The following INPPL1 variants were observed in gnomAD, a reference collection of about 807,000 sequenced individuals.
INPPL1 encodes the protein phosphatidylinositol 3,4,5-trisphosphate 5-phosphatase 2.
INPPL1 carries 91 observed loss-of-function variants against 139.3 expected under a neutral mutation model. That is an observed-to-expected ratio of 0.65 (90% CI 0.55 to 0.78). The LOEUF is 0.78. Among genes scored for constraint, INPPL1 ranks in the 30% least tolerant of loss-of-function variants. The probability of loss-of-function intolerance (pLI) is 0.00; values close to 1 mark genes in which losing one functional copy is unlikely to be tolerated. For missense variants in INPPL1, 1,411 were observed against 1,665.6 expected (o/e 0.85, Z 2.66); for synonymous variants, 719 against 686.6 (o/e 1.05, Z -0.74).
rs750670978 is a variant in INPPL1 at position 72,228,383 on chromosome 11, C to G, written c.282C>G (p.Thr94=). Residue 94 remains threonine, a synonymous_variant, in exon 3 of 28, where the codon ACC becomes ACG. Transcript: ENST00000298229. The surrounding 1 kb of genome is among the most constrained non-coding windows in gnomAD (Gnocchi z 5.0). ...GTGTGCCTGTGCGCCGCTTCCAGAC[C>G]CTGGGTGAGCTCATCGGCCTGTACG... The part of the protein sequence containing the change: ...SQGVPVRRFQ[T]LGELIGLYAQ... 4 of 1,613,458 alleles carry G rather than the reference C, an allele frequency of 2.5e-6. No individual in the cohort carries two copies. In the Admixed American group the frequency reaches 6.7e-5, roughly 27 times the overall value.
At chr11:72,233,266 C>CA (rs1948888250) in intron 17 of INPPL1, 103 bp downstream of exon 17, 1 of 1,137,640 alleles carries the variant, frequency 8.8e-7, no homozygotes, top group African/African-American at 1.5e-5. Context: ...CTCCAGCCTC[C>CA]ATGGCCCCTC....
intron 26 of INPPL1, 88 bp from the exon 27 acceptor site, chr11:72,237,954 C>G: frequency 1.4e-6 from 2 of 1,466,420 alleles, no homozygotes; most frequent in Admixed American, 2.6e-5. Context: ...CCCTTCCCTT[C>G]CTTTTCCCCA....
In INPPL1 at chr11:72,229,072, C is replaced by T. The variant is rs1281925426; in HGVS notation, c.519-18C>T. On this transcript the variant is annotated intron_variant, in intron 4 of 27. Coordinates refer to ENST00000298229, the MANE Select transcript of INPPL1 (RefSeq NM_001567.4). Reference sequence around the variant, plus strand: ...AGGTCAGCAGGACCTCCACTGACTTCTTAACCCCTCCCCAAAGTGCTCCCA... The same window carrying T: ...AGGTCAGCAGGACCTCCACTGACTTTTTAACCCCTCCCCAAAGTGCTCCCA... 2.5e-6 allele frequency: 4 copies of T among 1,596,274 alleles called. No homozygotes were observed. The Admixed American group carries it at 6.8e-5, about 27-fold the overall frequency.
At chr11:72,230,636 A>T in intron 10 of INPPL1, 160 bp from the exon 11 acceptor site, 1 of 845,482 alleles carries the variant, frequency 1.2e-6, no homozygotes, top group Middle Eastern at 3.5e-4. Context: ...CTGAGGGTGG[A>T]TAACATTTGC....
chr11:72,235,838 C>T lies in INPPL1; in HGVS notation c.2739-8C>T. ...CCACTTCATCTCTCTCCTGTGCATCCCTGGCAGGTCAGGGAGCCGCAAGCC... is the reference window on the plus strand; with the variant it reads ...CCACTTCATCTCTCTCCTGTGCATCTCTGGCAGGTCAGGGAGCCGCAAGCC... On this transcript the variant is annotated splice_polypyrimidine_tract_variant and splice_region_variant and intron_variant, in intron 24 of 27. Transcript: ENST00000298229. This position sits in a 1 kb window ranked among gnomAD's most constrained non-coding sequence, Gnocchi z 4.9. 6.2e-7 allele frequency: 1 copy of T among 1,612,330 alleles called. No homozygotes were observed. Among genetic ancestry groups the T allele is most frequent in the Non-Finnish European group, 8.5e-7 (1 of 1,179,150 alleles).
intron 17 of INPPL1, 84 bp from the exon 18 acceptor site, chr11:72,233,357 G>C: frequency 8.3e-7 from 1 of 1,207,548 alleles, no homozygotes; most frequent in East Asian, 2.3e-5. Context: ...TAGAAGTGTG[G>C]GGACTCATCA....
Position 72,233,126 on chromosome 11 carries a change from G to A in INPPL1, c.2003G>A (p.Arg668Gln), listed in dbSNP as rs773191339. The A allele has an allele frequency of 7.4e-6, 12 of 1,613,892 alleles. No homozygotes were observed. Among genetic ancestry groups the A allele is most frequent in the Non-Finnish European group, 9.3e-6 (11 of 1,179,990 alleles). Residue 668 changes from arginine (R) to glutamine (Q), a missense_variant, in exon 17 of 28, where the codon CGG (arginine) becomes CAG (glutamine). Physicochemically the swap from Arg to Gln is conservative, Grantham distance 43 (BLOSUM62 1). Coordinates refer to ENST00000298229, the MANE Select transcript of INPPL1 (RefSeq NM_001567.4). ...PPTYRYERGS[R>Q]DTYAWHKQKP... ...ACCTACCGCTATGAGCGGGGTTCCC[G>A]GGACACATATGCCTGGCACAAGCAG... is the stretch of plus-strand genomic sequence containing the variant.
In INPPL1 at chr11:72,231,196, G is replaced by C; in HGVS notation, c.1497+7G>C. On this transcript the variant is annotated splice_region_variant and intron_variant, in intron 12 of 27. Transcript: ENST00000298229. ...GGATCTGGATTACCGCCCGGTGAGGGGGGGTCATCTTGTCCAGGACCCTGT... is the reference window on the plus strand; with the variant it reads ...GGATCTGGATTACCGCCCGGTGAGGCGGGGTCATCTTGTCCAGGACCCTGT... 2 of 1,607,428 alleles carry C rather than the reference G, an allele frequency of 1.2e-6. No homozygotes were observed. Among genetic ancestry groups the C allele is most frequent in the Non-Finnish European group, 1.7e-6 (2 of 1,178,150 alleles).
chr11:72,238,294 G>A lies in INPPL1; in HGVS notation c.3718G>A (p.Gly1240Arg), dbSNP rs1274186891. The A allele has an allele frequency of 6.2e-7, 1 of 1,607,914 alleles. No homozygotes were observed. Among genetic ancestry groups the A allele is most frequent in the Non-Finnish European group, 8.5e-7 (1 of 1,177,090 alleles). The stretch of plus-strand genomic sequence containing the variant: ...CACCGAGGAGGACTTGGAGGAGGCT[G>A]GGGTGCAGGACCCGGCTCACAAGCG... ...DITEEDLEEA[G>R]VQDPAHKRLL... Residue 1240 changes from glycine (G) to arginine (R), a missense_variant, in exon 28 of 28, where the codon GGG becomes AGG. Transcript: ENST00000298229.
In INPPL1 at chr11:72,237,556, A is replaced by G. The variant is rs1352845468; in HGVS notation, c.3312A>G (p.Ser1104=). Residue 1104 remains serine (S), a synonymous_variant, in exon 26 of 28, where the codon TCA becomes TCG. Transcript: ENST00000298229. Reference sequence around the variant, plus strand: ...GGCCTCCACTGCCCCCAGGCCCCTCACCAGCCAGCACTTTCCTGGGGGAAG... The same window carrying G: ...GGCCTCCACTGCCCCCAGGCCCCTCGCCAGCCAGCACTTTCCTGGGGGAAG... ...HPRPPLPPGP[S]PASTFLGEVA... is the part of the protein sequence containing the mutation. The G allele has an allele frequency of 1.3e-6, 2 of 1,597,784 alleles. No homozygotes were observed. Among genetic ancestry groups the G allele is most frequent in the African/African-American group, 2.7e-5 (2 of 74,708 alleles).
Position 72,230,038 on chromosome 11 carries a change from T to C in INPPL1, c.939+19T>C. On this transcript the variant is annotated intron_variant, in intron 8 of 27. Transcript: ENST00000298229. ...CTTTGAGGTACATGGCAGTGGGGCC[T>C]CACAGGGCCAAGGGTGGTTGGAGGT... 2 of 1,614,044 alleles carry C rather than the reference T, an allele frequency of 1.2e-6. No homozygotes were observed. The highest frequency in any genetic ancestry group is 1.7e-6 in the Non-Finnish European group (2 of 1,179,876).
In INPPL1 at chr11:72,234,093, T is replaced by G. The variant is rs1159496012; in HGVS notation, c.2213-188T>G. ...ATGGGTTTTTTATCCTTGGGTTGTC[T>G]CTTTGCTCTGGTCCAGGGTCTGGCC... On this transcript the variant is annotated intron_variant, in intron 19 of 27. Coordinates refer to ENST00000298229, the MANE Select transcript of INPPL1 (RefSeq NM_001567.4). This position sits in a 1 kb window ranked among gnomAD's most constrained non-coding sequence, Gnocchi z 4.2. Among the ~76,000 whole-genome samples the G allele has an allele frequency of 6.6e-6, 1 of 152,188 alleles. No individual in the cohort carries two copies. The highest frequency in any genetic ancestry group is 1.5e-5 in the Non-Finnish European group (1 of 68,024).
chr11:72,234,982 T>C lies in INPPL1; in HGVS notation c.2416-134T>C. On this transcript the variant is annotated intron_variant, in intron 21 of 27. Coordinates refer to ENST00000298229, the MANE Select transcript of INPPL1 (RefSeq NM_001567.4). This position sits in a 1 kb window ranked among gnomAD's most constrained non-coding sequence, Gnocchi z 4.2. ...TCTTCTGCATTAAGGATTTGGCTCT[T>C]CTCTGAAGAGTTGAGTGTGAGTGAG... 1.4e-6 allele frequency: 1 copy of C among 724,064 alleles called. No individual in the cohort carries two copies. Among genetic ancestry groups the C allele is most frequent in the Non-Finnish European group, 2.4e-6 (1 of 423,208 alleles). The allele number at this position is 724,064 out of a possible 1,614,324, so 44.9% of individuals were successfully genotyped here.
intron 12 of INPPL1, 110 bp from the exon 13 acceptor site, chr11:72,231,388 G>A (rs1948830284): frequency 1.0e-6 from 1 of 1,000,940 alleles, no homozygotes; most frequent in Admixed American, 1.8e-5. Flanking sequence ...AGGAAGAGGG[G>A]TGGCAAGCCT....
At position 72,235,261 on chromosome 11, in the gene INPPL1, T is replaced by G. The variant is rs1948953122; in HGVS notation, c.2504-35T>G. The G allele has an allele frequency of 4.3e-6, 7 of 1,613,548 alleles. No individual in the cohort carries two copies. The highest frequency in any genetic ancestry group is 5.9e-6 in the Non-Finnish European group (7 of 1,179,826). On this transcript the variant is annotated intron_variant, in intron 22 of 27. Transcript: ENST00000298229. This position sits in a 1 kb window ranked among gnomAD's most constrained non-coding sequence, Gnocchi z 4.9. ...AGCCAGACAGGGCCCTAGATTAGCTTGGTAATTTGCTGGTTTGTCCCATCT... is the reference window on the plus strand; with the variant it reads ...AGCCAGACAGGGCCCTAGATTAGCTGGGTAATTTGCTGGTTTGTCCCATCT...
chr11:72,234,516 C>G lies in INPPL1; in HGVS notation c.2327-11C>G. ...TGGTGCTCAGTTGGGTGTCTCCCACCCCCACCCCAGAATACAAGAAGAGCT... is the reference window on the plus strand; with the variant it reads ...TGGTGCTCAGTTGGGTGTCTCCCACGCCCACCCCAGAATACAAGAAGAGCT... On this transcript the variant is annotated splice_polypyrimidine_tract_variant and intron_variant, in intron 20 of 27. Transcript: ENST00000298229. This position sits in a 1 kb window ranked among gnomAD's most constrained non-coding sequence, Gnocchi z 4.2. 1 of 1,597,704 alleles carries G rather than the reference C, an allele frequency of 6.3e-7. No homozygotes were observed. Among genetic ancestry groups the G allele is most frequent in the Non-Finnish European group, 8.6e-7 (1 of 1,165,252 alleles).
Position 72,228,979 on chromosome 11 carries a change from C to A in INPPL1, c.519-111C>A. On this transcript the variant is annotated intron_variant, in intron 4 of 27. Coordinates refer to ENST00000298229, the MANE Select transcript of INPPL1 (RefSeq NM_001567.4). This position sits in a 1 kb window ranked among gnomAD's most constrained non-coding sequence, Gnocchi z 5.0. ...CCCACCTCAGCCCAGAGGCAGATAA[C>A]CTGATCCATCCCGCCCTGGTTGCCA... 2 of 1,523,460 alleles carry A rather than the reference C, an allele frequency of 1.3e-6. No individual in the cohort carries two copies. Among genetic ancestry groups the A allele is most frequent in the Non-Finnish European group, 1.8e-6 (2 of 1,135,068 alleles). The allele number at this position is 1,523,460 out of a possible 1,614,324, so 94.4% of individuals were successfully genotyped here. A position where few individuals can be genotyped will look rare whatever the true frequency, so the allele number is the denominator to read the frequency against.
chr11:72,225,347 C>G (rs1948640889), intron 1 of INPPL1, 181 bp downstream of exon 1: 1 of 985,278 alleles, frequency 1.0e-6, no homozygotes, highest in Non-Finnish European at 1.2e-6. Context: ...GCACTTCCTG[C>G]TGTGTGTCTG....
Position 72,235,589 on chromosome 11 carries a change from G to A in INPPL1, c.2660-86G>A. The A allele has an allele frequency of 6.3e-7, 1 of 1,579,300 alleles. No individual in the cohort carries two copies. Among genetic ancestry groups the A allele is most frequent in the Non-Finnish European group, 8.7e-7 (1 of 1,154,910 alleles). On this transcript the variant is annotated intron_variant, in intron 23 of 27. Coordinates refer to ENST00000298229, the MANE Select transcript of INPPL1 (RefSeq NM_001567.4). The surrounding 1 kb of genome is among the most constrained non-coding windows in gnomAD (Gnocchi z 4.9). ...GGGAATAGTCCTGCCCCAAGGCATA[G>A]CTGGGAAAGGGCTGGCAGGCCCACT...
Sources: gnomAD v4.1 joint callset for allele counts (sites outside exome capture counted in the v4.1 genomes callset) on GRCh38, gnomAD v4.1.1 for gene constraint, Gnocchi (gnomAD v3.1) non-coding constraint, MANE v1.5 for transcripts, NCBI Gene and HGNC (gene_info 2026-07-23, HGNC 2026-07-21) for gene names.